The following SPTBN4 variants were observed in gnomAD, a reference collection of about 807,000 sequenced individuals.
SPTBN4 encodes spectrin beta, non-erythrocytic 4, also known as spectrin beta chain, non-erythrocytic 4.
SPTBN4 carries 96 observed loss-of-function variants against 277.8 expected under a neutral mutation model. That is an observed-to-expected ratio of 0.35 (90% confidence interval 0.29 to 0.41). The LOEUF (loss-of-function observed/expected upper bound fraction) is 0.41, where lower values mean the gene tolerates loss of function less well. SPTBN4 is among the 10% of genes least tolerant of loss of function. The pLI, the probability that SPTBN4 is intolerant of heterozygous loss-of-function variation, is 1.00. For missense variants in SPTBN4, 3,006 were observed against 3,595.7 expected (o/e 0.84, Z 4.19); for synonymous variants, 1,481 against 1,580.3 (o/e 0.94, Z 1.49).
Position 40,502,938 on chromosome 19 carries a change from A to T in SPTBN4, c.1362+5A>T. ...AACCAGCGTCTGGTCTCCCAGGTAC[A>T]AGGTGTAGGGCTTGGCTCCAGGGTA... On this transcript the variant is annotated splice_donor_5th_base_variant and intron_variant, in intron 11 of 35. Transcript: ENST00000598249. The surrounding 1 kb of genome is among the most constrained non-coding windows in gnomAD (Gnocchi z 4.9). 2 of 1,613,374 alleles carry T rather than the reference A, an allele frequency of 1.2e-6. No individual in the cohort carries two copies. Among genetic ancestry groups the T allele is most frequent in the Non-Finnish European group, 1.7e-6 (2 of 1,179,850 alleles).
At chr19:40,493,540 T>TTTG (rs751974723) in intron 5 of SPTBN4, among the ~76,000 whole-genome samples, 1 of 152,116 alleles carries the variant, frequency 6.6e-6, no homozygotes, top group Non-Finnish European at 1.5e-5. Context: ...TGGGGTTTTT[T>TTTG]TTGTTGTTGT....
intron 13 of SPTBN4, among the ~76,000 whole-genome samples, chr19:40,511,143 G>A (rs1438049758): frequency 1.3e-5 from 2 of 152,040 alleles, no homozygotes. Context: ...CGGTGGCTCA[G>A]GCCTGTAATC....
chr19:40,490,750 G>A lies in SPTBN4; in HGVS notation c.495+502G>A, dbSNP rs74612798. On this transcript the variant is annotated intron_variant, in intron 4 of 35. Coordinates refer to ENST00000598249, the MANE Select transcript of SPTBN4 (RefSeq NM_020971.3). The surrounding 1 kb of genome is among the most constrained non-coding windows in gnomAD (Gnocchi z 4.3). ...ATGGAAAAAGGACCAGTTCTAGTTA[G>A]AGAAGTTTAAAAAGCTATGCAGGGC... Among the ~76,000 whole-genome samples, 4,859 of 152,258 alleles carry A rather than the reference G, an allele frequency of 0.032. 108 individuals are homozygous for A. Among genetic ancestry groups the A allele is most frequent in the African/African-American group, 0.055 (2,301 of 41,546 alleles).
At chr19:40,488,968 C>G (rs928563890) in intron 3 of SPTBN4, among the ~76,000 whole-genome samples, 1 of 151,736 alleles carries the variant, frequency 6.6e-6, no homozygotes, top group Non-Finnish European at 1.5e-5. Context: ...GGGCAGAGAC[C>G]CTGTCTCAAA....
rs762987405 is a variant in SPTBN4, at chr19:40,560,139, C to T, written c.5671-20C>T. ...CTGGGCCCCGTGGAGGGCTGGCGCC[C>T]GACCTGGCATGCCCTTCAGGTACGG... On this transcript the variant is annotated intron_variant, in intron 26 of 35. Transcript: ENST00000598249. This position sits in a 1 kb window ranked among gnomAD's most constrained non-coding sequence, Gnocchi z 5.2. 16 of 1,574,786 alleles carry T rather than the reference C, an allele frequency of 1.0e-5. No homozygotes were observed. The highest frequency in any genetic ancestry group is 3.4e-5 in the Admixed American group (2 of 58,082).
rs1190551902 is a variant in SPTBN4 at position 40,513,329 on chromosome 19, C to T, written c.2540C>T (p.Pro847Leu). 6.3e-7 allele frequency: 1 copy of T among 1,581,656 alleles called. No individual in the cohort carries two copies. The highest frequency in any genetic ancestry group is 8.6e-7 in the Non-Finnish European group (1 of 1,166,660). ...CTCGGGGGTGCCAGTGGCGCAGGGCCACTGGTGGTGGCGCTGCAGGTGCGC... is the reference window on the plus strand; with the variant it reads ...CTCGGGGGTGCCAGTGGCGCAGGGCTACTGGTGGTGGCGCTGCAGGTGCGC... The part of the protein sequence containing the change: ...ATLGGASGAG[P>L]LVVALQVRVV... Residue 847 changes from proline (P) to leucine (L), a missense_variant, in exon 14 of 36, where the codon CCA (proline) becomes CTA (leucine). Around this residue, in one of 5 missense-constraint regions of SPTBN4, gnomAD observed 1,759 missense variants for 2,061.5 expected, o/e 0.85. Transcript: ENST00000598249.
Position 40,481,849 on chromosome 19 carries a change from G to T in SPTBN4, c.170-5848G>T, listed in dbSNP as rs138891556. Among the ~76,000 whole-genome samples, 1,112 of 152,092 alleles carry T rather than the reference G, an allele frequency of 7.3e-3. 10 individuals are homozygous for T. The highest frequency in any genetic ancestry group is 0.025 in the African/African-American group (1,047 of 41,486). On this transcript the variant is annotated intron_variant, in intron 2 of 35. Transcript: ENST00000598249. ...TTGTGGTTTTACTTTGCATTTTCCT[G>T]ATGACTAAGAACAACGAAGAAGGTG... is the stretch of plus-strand genomic sequence containing the variant.
intron 20 of SPTBN4, among the ~76,000 whole-genome samples, chr19:40,546,081 C>T (rs1314232859): frequency 4.1e-5 from 6 of 144,618 alleles, no homozygotes; most frequent in East Asian, 2.0e-4. Flanking sequence ...CAAAATTAAC[C>T]GGGCGTGGTG....
In SPTBN4 at chr19:40,523,465, C is replaced by T. The variant is rs145981039; in HGVS notation, c.3683C>T (p.Pro1228Leu). The T allele has an allele frequency of 1.2e-5, 20 of 1,611,032 alleles. No homozygotes were observed. Among genetic ancestry groups the T allele is most frequent in the Admixed American group, 1.7e-5 (1 of 59,614 alleles). Residue 1228 changes from proline (P) to leucine (L), a missense_variant, in exon 17 of 36, where the codon CCG becomes CTG. By Grantham distance (98) the Pro-to-Leu change is moderately conservative (BLOSUM62 -3). This residue lies in a region of SPTBN4 where 1,759 missense variants were observed against 2,061.5 expected (regional missense o/e 0.85). Transcript: ENST00000598249. ...QEMALSGAEL[P>L]GTVESVEEAL... ...ATGGCGCTGTCTGGTGCGGAGCTCC[C>T]GGGCACAGTGGAATCGGTGGAGGAG...
chr19:40,545,654 TC>T (rs1396461334), intron 20 of SPTBN4, among the ~76,000 whole-genome samples: 1 of 150,918 alleles, frequency 6.6e-6, no homozygotes, highest in Non-Finnish European at 1.5e-5. Flanking sequence ...ACTCCTGTAA[TC>T]CCAGCACTTT....
chr19:40,508,260 A>G (rs2080351890), intron 13 of SPTBN4, among the ~76,000 whole-genome samples: 1 of 152,214 alleles, frequency 6.6e-6, no homozygotes, highest in Non-Finnish European at 1.5e-5. Flanking sequence ...ACTGGCTCTA[A>G]TAAGGTTCCT....
chr19:40,481,916 T>C (rs1215625802), intron 2 of SPTBN4, among the ~76,000 whole-genome samples: 1 of 151,936 alleles, frequency 6.6e-6, no homozygotes, highest in African/African-American at 2.4e-5. Flanking sequence ...AAATATCCTT[T>C]AGTGAGATGG....
In SPTBN4 at chr19:40,504,262, C is replaced by T. The variant is rs2080298781; in HGVS notation, c.1665+130C>T. Reference sequence around the variant, plus strand: ...AGATAGAAGAAGATAGAGAGAAAGCCAGGGAGACAAAAAGAGAGAACAAGA... The same window carrying T: ...AGATAGAAGAAGATAGAGAGAAAGCTAGGGAGACAAAAAGAGAGAACAAGA... On this transcript the variant is annotated intron_variant, in intron 12 of 35. Coordinates refer to ENST00000598249, the MANE Select transcript of SPTBN4 (RefSeq NM_020971.3). 7 of 965,874 alleles carry T rather than the reference C, an allele frequency of 7.2e-6. No homozygotes were observed. In the South Asian group the frequency reaches 8.9e-5, roughly 12 times the overall value. 59.8% of individuals were successfully genotyped at this position (965,874 alleles called of 1,614,324 possible).
At position 40,492,631 on chromosome 19, in the gene SPTBN4, A is replaced by G. The variant is rs1198099754; in HGVS notation, c.496-332A>G. Among the ~76,000 whole-genome samples the G allele has an allele frequency of 3.9e-5, 6 of 152,286 alleles. No homozygotes were observed. The East Asian group carries it at 1.2e-3, about 29-fold the overall frequency. On this transcript the variant is annotated intron_variant, in intron 4 of 35. Transcript: ENST00000598249. ...CCTCTCTCTGCCATGTGGAGAACAC[A>G]CTGTGGATGCAGGAGTGGGGAGATC...
In SPTBN4 at chr19:40,467,079, G is replaced by T. The variant is rs2145789031; in HGVS notation, c.-242G>T. 6.6e-6 allele frequency: 1 copy of T among 150,570 alleles called. No homozygotes were observed. The highest frequency in any genetic ancestry group is 1.8e-4 in the South Asian group (1 of 5,656). The allele number at this position is 150,570 out of a possible 1,614,324, so 9.3% of individuals were successfully genotyped here. A position where few individuals can be genotyped will look rare whatever the true frequency, so the allele number is the denominator to read the frequency against. On this transcript the variant is annotated 5_prime_UTR_variant, in exon 1 of 36. Transcript: ENST00000598249. ...GCGCGTGGGCCTCGGGCGGCGGGGCGCGGGGACCGCGGGCGGGAGGGGGTC... is the reference window on the plus strand; with the variant it reads ...GCGCGTGGGCCTCGGGCGGCGGGGCTCGGGGACCGCGGGCGGGAGGGGGTC...
At position 40,568,171 on chromosome 19, in the gene SPTBN4, C is replaced by T; in HGVS notation, c.6845C>T (p.Thr2282Ile). Residue 2282 changes from threonine (T) to isoleucine (I), a missense_variant, in exon 31 of 36, where the codon ACC becomes ATC. By Grantham distance (89) the Thr-to-Ile change is moderately conservative. Transcript: ENST00000598249. Reference protein sequence around the residue: ...SAEHEAAHSLTLGRYEQMERR... With the variant: ...SAEHEAAHSLILGRYEQMERR... Reference sequence around the variant, plus strand: ...GAGCACGAGGCGGCACACAGCCTTACCCTGGGCCGCTATGAGCAGATGGAG... The same window carrying T: ...GAGCACGAGGCGGCACACAGCCTTATCCTGGGCCGCTATGAGCAGATGGAG... 1 of 1,586,924 alleles carries T rather than the reference C, an allele frequency of 6.3e-7. No individual in the cohort carries two copies. The highest frequency in any genetic ancestry group is 8.6e-7 in the Non-Finnish European group (1 of 1,167,284).
chr19:40,513,065 A>G lies in SPTBN4; in HGVS notation c.2276A>G (p.Glu759Gly). 7.1e-7 allele frequency: 1 copy of G among 1,418,138 alleles called. No homozygotes were observed. The highest frequency in any genetic ancestry group is 1.4e-5 in the South Asian group (1 of 69,376). The allele number at this position is 1,418,138 out of a possible 1,614,324, so 87.8% of individuals were successfully genotyped here. A position where few individuals can be genotyped will look rare whatever the true frequency, so the allele number is the denominator to read the frequency against. Residue 759 changes from glutamate (E) to glycine (G), a missense_variant, in exon 14 of 36, where the codon GAA becomes GGA. Glu to Gly is a moderately conservative substitution (Grantham distance 98, BLOSUM62 -2). Transcript: ENST00000598249. ...ASARRRWQRL[E>G]EAAARRERRL... is the part of the protein sequence containing the mutation. Reference sequence around the variant, plus strand: ...GCCCGGCGCCGCTGGCAGAGGCTGGAAGAGGCGGCGGCGCGGCGAGAGCGG... The same window carrying G: ...GCCCGGCGCCGCTGGCAGAGGCTGGGAGAGGCGGCGGCGCGGCGAGAGCGG...
At chr19:40,541,450 A>G (rs1185384128) in intron 20 of SPTBN4, among the ~76,000 whole-genome samples, 1 of 152,148 alleles carries the variant, frequency 6.6e-6, no homozygotes, top group Non-Finnish European at 1.5e-5. Context: ...GCCCCTCAGG[A>G]GCTGCTACTG....
At chr19:40,487,874 AGGGGTCCTCCCT>A (rs1473599479) in intron 3 of SPTBN4, 26 bp downstream of exon 3, 2 of 1,570,878 alleles carry the variant, frequency 1.3e-6, no homozygotes, top group African/African-American at 2.7e-5. Context: ...GGGCTGGGGC[AGGGGTCCTCCCT>A]GGGGTCTCAG....
Sources: allele counts gnomAD v4.1 joint callset (sites outside exome capture counted in the v4.1 genomes callset), GRCh38; gene constraint gnomAD v4.1.1; regional missense constraint gnomAD v4.1.1; non-coding constraint Gnocchi (gnomAD v3.1); transcripts MANE v1.5; gene names NCBI Gene and HGNC (gene_info 2026-07-23, HGNC 2026-07-21).